Variants in IGF1R observed in about 807,000 individuals in gnomAD.
The protein encoded by IGF1R is insulin like growth factor 1 receptor, also known as insulin-like growth factor 1 receptor.
IGF1R carries 44 observed loss-of-function variants against 144.6 expected under a neutral mutation model. The observed-to-expected ratio is 0.30, with a 90% CI of 0.24 to 0.39. The LOEUF (loss-of-function observed/expected upper bound fraction) is 0.39, where lower values mean the gene tolerates loss of function less well. Among genes scored for constraint, IGF1R ranks in the 10% least tolerant of loss-of-function variants. The pLI, the probability that IGF1R is intolerant of heterozygous loss-of-function variation, is 1.00. For synonymous variants in IGF1R, 795 were observed against 722.8 expected (o/e 1.10, Z -1.60); for missense variants, 1,355 against 1,833.7 (o/e 0.74, Z 4.77).
intron 1 of IGF1R, among the ~76,000 whole-genome samples, chr15:98,663,553 C>G (rs75316817): frequency 6.6e-6 from 1 of 152,376 alleles, no homozygotes; most frequent in Non-Finnish European, 1.5e-5. Context: ...TATTGTGTTC[C>G]TCTCCTCTAA....
intron 1 of IGF1R, among the ~76,000 whole-genome samples, chr15:98,675,623 C>T (rs2053016190): frequency 6.6e-6 from 1 of 152,132 alleles, no homozygotes; most frequent in Admixed American, 6.6e-5. Flanking sequence ...TAAGTTTATA[C>T]TCAAGTCAAA....
At chr15:98,766,859 A>C (rs2055449109) in intron 2 of IGF1R, among the ~76,000 whole-genome samples, 1 of 152,212 alleles carries the variant, frequency 6.6e-6, no homozygotes, top group Admixed American at 6.5e-5. Flanking sequence ...GTTATTGTGA[A>C]AATCTCCACA....
At chr15:98,938,263 A>G (rs536508444) in intron 17 of IGF1R, among the ~76,000 whole-genome samples, 1 of 152,330 alleles carries the variant, frequency 6.6e-6, no homozygotes, top group African/African-American at 2.4e-5. Flanking sequence ...CCGGCCTGCA[A>G]GTGTGGGACC....
rs768200688 is a variant in IGF1R, at chr15:98,957,474, C to G, written c.*32C>G. On this transcript the variant is annotated 3_prime_UTR_variant, in exon 21 of 21. Transcript: ENST00000650285. The stretch of plus-strand genomic sequence containing the variant: ...GATCCTGAATCTGTGCAAACAGTAA[C>G]GTGTGCGCACGCGCAGCGGGGTGGG... 1 of 1,611,782 alleles carries G rather than the reference C, an allele frequency of 6.2e-7. No homozygotes were observed. The highest frequency in any genetic ancestry group is 1.3e-5 in the African/African-American group (1 of 75,014).
chr15:98,686,237 A>G (rs1703377494), intron 1 of IGF1R, among the ~76,000 whole-genome samples: 1 of 152,226 alleles, frequency 6.6e-6, no homozygotes, highest in African/African-American at 2.4e-5. Flanking sequence ...AAGGCCCAAT[A>G]ATATTTAATA....
chr15:98,706,943 C>CG (rs2053878291), intron 1 of IGF1R, among the ~76,000 whole-genome samples: 1 of 12,860 alleles, frequency 7.8e-5, no homozygotes, highest in Non-Finnish European at 3.2e-4. Context: ...CGTTTTTAAT[C>CG]TTGTTAGGTT....
chr15:98,658,965 A>C (rs1247461073), intron 1 of IGF1R, among the ~76,000 whole-genome samples: 2 of 152,242 alleles, frequency 1.3e-5, no homozygotes, highest in African/African-American at 4.8e-5. Context: ...ATTCATAGAA[A>C]TCAAATTCGT....
intron 1 of IGF1R, among the ~76,000 whole-genome samples, chr15:98,664,650 G>A (rs867520574): frequency 4.2e-5 from 6 of 141,502 alleles, no homozygotes; most frequent in Admixed American, 1.4e-4. Context: ...CCAAGATCGC[G>A]CCACTGCACT....
At chr15:98,794,666 A>C (rs1198565645) in intron 2 of IGF1R, among the ~76,000 whole-genome samples, 1 of 152,246 alleles carries the variant, frequency 6.6e-6, no homozygotes, top group African/African-American at 2.4e-5. Flanking sequence ...ACTACTGGAA[A>C]CTGCTGTACA....
intron 2 of IGF1R, among the ~76,000 whole-genome samples, chr15:98,745,966 T>C (rs2054854692): frequency 6.6e-6 from 1 of 152,224 alleles, no homozygotes; most frequent in Non-Finnish European, 1.5e-5. Context: ...ACGTTAGAAA[T>C]AACCCACGTG....
At chr15:98,744,773 T>G (rs1221982682) in intron 2 of IGF1R, among the ~76,000 whole-genome samples, 1 of 152,100 alleles carries the variant, frequency 6.6e-6, no homozygotes, top group African/African-American at 2.4e-5. Flanking sequence ...TTTTTTTTTT[T>G]TCTTTTGGCG....
intron 2 of IGF1R, among the ~76,000 whole-genome samples, chr15:98,741,149 C>G (rs1486105634): frequency 6.6e-6 from 1 of 151,498 alleles, no homozygotes; most frequent in Non-Finnish European, 1.5e-5. Context: ...TTAGCAGACA[C>G]TCTCGTGTTG....
intron 18 of IGF1R, 74 bp downstream of exon 18, chr15:98,939,434 GC>G: frequency 6.9e-7 from 1 of 1,458,564 alleles, no homozygotes; most frequent in Non-Finnish European, 9.6e-7. Context: ...GCATTAGTCT[GC>G]CCCTGGAGAG....
chr15:98,763,042 C>T (rs1267718642), intron 2 of IGF1R, among the ~76,000 whole-genome samples: 1 of 45,128 alleles, frequency 2.2e-5, no homozygotes, highest in Admixed American at 3.2e-4. Flanking sequence ...TAGGTTCCAT[C>T]TCAAAAAAAA....
chr15:98,817,024 T>C (rs2056708528), intron 2 of IGF1R, among the ~76,000 whole-genome samples: 1 of 152,180 alleles, frequency 6.6e-6, no homozygotes. Flanking sequence ...TCTTCAATGC[T>C]GCGTGTGGTG....
chr15:98,928,070 G>A (rs2015792161), intron 13 of IGF1R, among the ~76,000 whole-genome samples: 1 of 152,160 alleles, frequency 6.6e-6, no homozygotes, highest in South Asian at 2.1e-4. Flanking sequence ...TTTCTGTTCA[G>A]CCACCCCTTT....
Position 98,958,822 on chromosome 15 carries a change from G to A in IGF1R, c.*1380G>A, listed in dbSNP as rs1036426701. 1.3e-5 allele frequency: 3 copies of A among 233,274 alleles called. No individual in the cohort carries two copies. The highest frequency in any genetic ancestry group is 6.6e-5 in the African/African-American group (3 of 45,296). The allele number at this position is 233,274 out of a possible 1,614,324, so 14.5% of individuals were successfully genotyped here. A position where few individuals can be genotyped will look rare whatever the true frequency, so the allele number is the denominator to read the frequency against. ...GAAACTTCTTATGCTTTGTACTAGAGTGCGTGACTTTCTTCCTCTTTTCCC... is the reference window on the plus strand; with the variant it reads ...GAAACTTCTTATGCTTTGTACTAGAATGCGTGACTTTCTTCCTCTTTTCCC... On this transcript the variant is annotated 3_prime_UTR_variant, in exon 21 of 21. Transcript: ENST00000650285.
intron 1 of IGF1R, among the ~76,000 whole-genome samples, chr15:98,700,323 TGAGA>T (rs763177972): frequency 1.1e-4 from 17 of 152,100 alleles, no homozygotes; most frequent in African/African-American, 1.7e-4. Context: ...GGGGGTTTTC[TGAGA>T]GAGAGAATGT....
intron 10 of IGF1R, 100 bp downstream of exon 10, chr15:98,916,976 G>A: frequency 9.9e-7 from 1 of 1,012,174 alleles, no homozygotes; most frequent in Non-Finnish European, 1.5e-6. Flanking sequence ...AGCAGCTGGG[G>A]GGTACAATAC....
Sources: allele counts gnomAD v4.1 joint callset (sites outside exome capture counted in the v4.1 genomes callset), GRCh38; gene constraint gnomAD v4.1.1; transcripts MANE v1.5; gene names NCBI Gene and HGNC (gene_info 2026-07-23, HGNC 2026-07-21).